The following XRCC5 variants were observed in gnomAD, a reference collection of about 807,000 sequenced individuals.
The protein encoded by XRCC5 is DNA repair protein Ku80.
Under a neutral mutation model 95.7 loss-of-function variants are expected in XRCC5, and 12 were observed. The ratio of observed to expected loss-of-function variants is 0.13; its 90% CI spans 0.08 to 0.20. XRCC5 has a LOEUF of 0.20. Ranked by LOEUF, XRCC5 falls within the 10% of genes least tolerant of loss-of-function variation. The probability of loss-of-function intolerance (pLI) is 1.00; values close to 1 mark genes in which losing one functional copy is unlikely to be tolerated. For missense variants in XRCC5, 595 were observed against 873.9 expected (o/e 0.68, Z 4.02); for synonymous variants, 281 against 290.3 (o/e 0.97, Z 0.33).
intron 14 of XRCC5, among the ~76,000 whole-genome samples, chr2:216,153,874 T>G (rs1688794572): frequency 6.6e-6 from 1 of 152,246 alleles, no homozygotes; most frequent in Non-Finnish European, 1.5e-5. Flanking sequence ...ACTAAATAGC[T>G]TAGGTGCCTG....
chr2:216,127,500 C>T (rs1696917539), intron 7 of XRCC5, 36 bp from the exon 8 acceptor site: 1 of 1,561,916 alleles, frequency 6.4e-7, no homozygotes. Flanking sequence ...GGAATCCTAA[C>T]TTTCCTTGTT....
intron 2 of XRCC5, among the ~76,000 whole-genome samples, chr2:216,115,844 G>GT (rs1217776791): frequency 1.3e-5 from 2 of 151,462 alleles, no homozygotes; most frequent in African/African-American, 4.9e-5. Context: ...AGATAAACCT[G>GT]GAGGCCCTTC....
At chr2:216,195,528 C>A (rs900107049) in intron 19 of XRCC5, among the ~76,000 whole-genome samples, 5 of 151,302 alleles carry the variant, frequency 3.3e-5, no homozygotes, top group African/African-American at 1.2e-4. Flanking sequence ...CATTTTAAAA[C>A]CCCTCAGGTG....
At chr2:216,158,535 T>C (rs1053551422) in intron 14 of XRCC5, among the ~76,000 whole-genome samples, 6 of 152,252 alleles carry the variant, frequency 3.9e-5, no homozygotes, top group African/African-American at 1.4e-4. Context: ...CAACTTCTAA[T>C]GGAATTTCAT....
In XRCC5 at chr2:216,173,299, T is replaced by C. The variant is rs12475013; in HGVS notation, c.1834+11251T>C. On this transcript the variant is annotated intron_variant, in intron 16 of 20. Transcript: ENST00000392132. Reference sequence around the variant, plus strand: ...AGAGTGAACATCCTTGCCCTGTTCCTGATCTTAAGGAAAAACCTTTGTCTT... The same window carrying C: ...AGAGTGAACATCCTTGCCCTGTTCCCGATCTTAAGGAAAAACCTTTGTCTT... 4.2e-3 allele frequency among the ~76,000 whole-genome samples: 642 copies of C among 152,308 alleles called. 2 individuals are homozygous for C. Among genetic ancestry groups the C allele is most frequent in the African/African-American group, 0.015 (621 of 41,568 alleles).
chr2:216,196,197 T>G (rs41296763), intron 19 of XRCC5, among the ~76,000 whole-genome samples: 3,154 of 151,208 alleles, frequency 0.021, 59 homozygotes, highest in Non-Finnish European at 0.03. Context: ...TTAAGCACTT[T>G]GCCTAGCAAA....
chr2:216,157,374 C>T (rs1460867936), intron 14 of XRCC5, among the ~76,000 whole-genome samples: 1 of 152,078 alleles, frequency 6.6e-6, no homozygotes, highest in East Asian at 1.9e-4. Context: ...GCTGGGACTA[C>T]AGGTGCCCGC....
chr2:216,126,464 G>T, intron 7 of XRCC5, among the ~76,000 whole-genome samples: 1 of 152,224 alleles, frequency 6.6e-6, no homozygotes, highest in South Asian at 2.1e-4. Context: ...TCTGTGAAAT[G>T]TAAAAAAATG....
At chr2:216,189,013 T>A (rs1358365094) in intron 16 of XRCC5, among the ~76,000 whole-genome samples, 1 of 152,220 alleles carries the variant, frequency 6.6e-6, no homozygotes. Context: ...TATTAAAAAA[T>A]ACTTCATCCA....
intron 19 of XRCC5, 45 bp from the exon 20 acceptor site, chr2:216,204,277 G>A (rs1559266695): frequency 1.2e-6 from 2 of 1,611,072 alleles, no homozygotes; most frequent in Non-Finnish European, 1.7e-6. Flanking sequence ...CTTTCAAAGG[G>A]GCAAAAATAT....
At chr2:216,142,843 A>G in intron 13 of XRCC5, among the ~76,000 whole-genome samples, 2 of 152,304 alleles carry the variant, frequency 1.3e-5, no homozygotes, top group South Asian at 4.1e-4. Context: ...AGTAGTGAAA[A>G]AAATCTTTTG....
intron 19 of XRCC5, among the ~76,000 whole-genome samples, chr2:216,195,254 A>T (rs897419907): frequency 6.6e-6 from 1 of 152,150 alleles, no homozygotes. Flanking sequence ...ATAGTGCGCA[A>T]ACTTAGCCTC....
At chr2:216,180,518 C>A (rs1218095689) in intron 16 of XRCC5, among the ~76,000 whole-genome samples, 1 of 152,092 alleles carries the variant, frequency 6.6e-6, no homozygotes, top group Non-Finnish European at 1.5e-5. Context: ...CCCAGCTACT[C>A]AGGAGGCTGA....
intron 16 of XRCC5, among the ~76,000 whole-genome samples, chr2:216,179,485 G>C (rs907715745): frequency 4.6e-5 from 7 of 152,184 alleles, no homozygotes; most frequent in African/African-American, 1.2e-4. Flanking sequence ...GTTAAAGCAG[G>C]ATAGTGGGAT....
At chr2:216,175,304 C>T (rs1381646857) in intron 16 of XRCC5, 3 of 453,492 alleles carry the variant, frequency 6.6e-6, no homozygotes, top group East Asian at 5.7e-5. Context: ...ACCAGAGCCT[C>T]CTCTTCCACC....
Position 216,122,061 on chromosome 2 carries a change from G to T in XRCC5, c.492-1G>T. ...TAACTACTGTTGATCTTTCTTAATA[G>T]CTTGCCTTTCTCACTTGGCAAGGAA... On this transcript the variant is annotated splice_acceptor_variant, in intron 5 of 20. Transcript: ENST00000392132. LOFTEE classifies it high-confidence loss of function. The T allele has an allele frequency of 6.2e-7, 1 of 1,610,154 alleles. No individual in the cohort carries two copies. The highest frequency in any genetic ancestry group is 8.5e-7 in the Non-Finnish European group (1 of 1,177,954).
At chr2:216,167,862 T>C (rs1470773674) in intron 16 of XRCC5, among the ~76,000 whole-genome samples, 2 of 152,212 alleles carry the variant, frequency 1.3e-5, no homozygotes, top group Non-Finnish European at 2.9e-5. Flanking sequence ...CATACTTTTT[T>C]AGTCCTTTCT....
chr2:216,200,942 T>TA (rs1204790320), intron 19 of XRCC5, among the ~76,000 whole-genome samples: 26 of 151,054 alleles, frequency 1.7e-4, no homozygotes, highest in African/African-American at 6.3e-4. Flanking sequence ...TTGGTGGACA[T>TA]ATGTTAAGTG....
intron 19 of XRCC5, among the ~76,000 whole-genome samples, chr2:216,198,890 T>C (rs1203477726): frequency 6.6e-6 from 1 of 152,148 alleles, no homozygotes; most frequent in East Asian, 1.9e-4. Flanking sequence ...TGTTGATTTT[T>C]GGAGAGAAGT....
Sources: allele counts gnomAD v4.1 joint callset (sites outside exome capture counted in the v4.1 genomes callset), GRCh38; gene constraint gnomAD v4.1.1; transcripts MANE v1.5; gene names NCBI Gene and HGNC (gene_info 2026-07-23, HGNC 2026-07-21).